EXOC4: variants seen among roughly 807,000 people sequenced by gnomAD.
The protein encoded by EXOC4 is SEC8-like 1.
A neutral mutation model predicts 107.2 loss-of-function variants in EXOC4; 71 were observed. The observed-to-expected ratio is 0.66, with a 90% confidence interval of 0.55 to 0.81. EXOC4 has a LOEUF of 0.81. Among genes scored for constraint, EXOC4 ranks in the 30% least tolerant of loss-of-function variants. EXOC4 has a pLI of 0.00. For missense variants in EXOC4, 1,108 were observed against 1,189.6 expected (o/e 0.93, Z 1.01); for synonymous variants, 456 against 441.2 (o/e 1.03, Z -0.42).
rs1054065997 is a variant in EXOC4 at position 133,845,764 on chromosome 7, T to C, written c.1734+28220T>C. Reference sequence around the variant, plus strand: ...GAGCTAAAGGAAGCTTTGCTTACTTTCACAGATTACAGGTTTATTTTATAA... The same window carrying C: ...GAGCTAAAGGAAGCTTTGCTTACTTCCACAGATTACAGGTTTATTTTATAA... On this transcript the variant is annotated intron_variant, in intron 11 of 17. Transcript: ENST00000253861. Among the ~76,000 whole-genome samples, 15 of 152,144 alleles carry C rather than the reference T, an allele frequency of 9.9e-5. 1 individual carries two copies. The highest frequency in any genetic ancestry group is 2.7e-4 in the African/African-American group (11 of 41,420).
At chr7:133,828,833 G>C (rs1376098273) in intron 11 of EXOC4, among the ~76,000 whole-genome samples, 1 of 152,206 alleles carries the variant, frequency 6.6e-6, no homozygotes, top group Non-Finnish European at 1.5e-5. Context: ...TGGGGATACA[G>C]AATAAACTTA....
chr7:134,060,905 T>C (rs985560180), intron 17 of EXOC4, among the ~76,000 whole-genome samples: 1 of 152,232 alleles, frequency 6.6e-6, no homozygotes, highest in Non-Finnish European at 1.5e-5. Context: ...CTGTCAATTT[T>C]GTTGAATAAC....
At chr7:134,012,963 C>G (rs1450380794) in intron 17 of EXOC4, among the ~76,000 whole-genome samples, 1 of 152,182 alleles carries the variant, frequency 6.6e-6, no homozygotes, top group Non-Finnish European at 1.5e-5. Context: ...AGACAGAGAA[C>G]TGGCTACTGG....
intron 17 of EXOC4, among the ~76,000 whole-genome samples, chr7:134,037,720 T>G (rs887935661): frequency 6.6e-6 from 1 of 152,318 alleles, no homozygotes; most frequent in Non-Finnish European, 1.5e-5. Context: ...TTCCAGTTCC[T>G]TCTGAATCCC....
intron 10 of EXOC4, among the ~76,000 whole-genome samples, chr7:133,637,202 G>A (rs1802733971): frequency 2.0e-5 from 3 of 152,114 alleles, no homozygotes; most frequent in Admixed American, 1.3e-4. Flanking sequence ...CAAAGTAAAA[G>A]ACAATTGTGA....
chr7:133,341,479 C>T (rs564932779), intron 5 of EXOC4, among the ~76,000 whole-genome samples: 13 of 152,166 alleles, frequency 8.5e-5, no homozygotes, highest in Admixed American at 2.0e-4. Flanking sequence ...GAATTTTCCA[C>T]GTACCAGTGA....
At chr7:133,302,316 A>G (rs1287073919) in intron 3 of EXOC4, among the ~76,000 whole-genome samples, 1 of 152,206 alleles carries the variant, frequency 6.6e-6, no homozygotes, top group Non-Finnish European at 1.5e-5. Flanking sequence ...TCTATTGTCT[A>G]TCTGAGCAGT....
At chr7:133,873,898 G>A (rs185867212) in intron 11 of EXOC4, among the ~76,000 whole-genome samples, 111 of 152,306 alleles carry the variant, frequency 7.3e-4, no homozygotes, top group Non-Finnish European at 1.0e-3. Context: ...GCTTCCCTGG[G>A]CAGTACATGG....
At chr7:133,670,516 A>G (rs1368359618) in intron 10 of EXOC4, among the ~76,000 whole-genome samples, 1 of 152,180 alleles carries the variant, frequency 6.6e-6, no homozygotes, top group African/African-American at 2.4e-5. Flanking sequence ...TGAGCCTCCA[A>G]ACATTGAAGG....
chr7:133,254,506 T>C (rs1794968004), intron 1 of EXOC4, among the ~76,000 whole-genome samples: 1 of 152,214 alleles, frequency 6.6e-6, no homozygotes, highest in Non-Finnish European at 1.5e-5. Context: ...TACCAGGACA[T>C]TATTTGGATC....
intron 9 of EXOC4, among the ~76,000 whole-genome samples, chr7:133,608,971 G>A (rs1316825937): frequency 6.6e-6 from 1 of 152,086 alleles, no homozygotes; most frequent in Admixed American, 6.5e-5. Flanking sequence ...GTGTCATATT[G>A]TTATCAAGAT....
intron 11 of EXOC4, among the ~76,000 whole-genome samples, chr7:133,824,535 A>G (rs1797653073): frequency 6.6e-6 from 1 of 152,150 alleles, no homozygotes; most frequent in Non-Finnish European, 1.5e-5. Context: ...TTAGCAGCAG[A>G]AGCAGCGTGC....
intron 6 of EXOC4, among the ~76,000 whole-genome samples, chr7:133,357,905 T>G (rs1327443898): frequency 6.6e-6 from 1 of 152,144 alleles, no homozygotes; most frequent in South Asian, 2.1e-4. Flanking sequence ...AGTAAATATT[T>G]GGCCAGGCAC....
At chr7:133,644,385 A>G (rs888052825) in intron 10 of EXOC4, among the ~76,000 whole-genome samples, 3 of 152,118 alleles carry the variant, frequency 2.0e-5, no homozygotes, top group Non-Finnish European at 4.4e-5. Context: ...TTGTATTTAA[A>G]TTTTGTAGTT....
At chr7:133,938,685 G>A (rs1211027258) in intron 14 of EXOC4, among the ~76,000 whole-genome samples, 1 of 152,110 alleles carries the variant, frequency 6.6e-6, no homozygotes, top group African/African-American at 2.4e-5. Flanking sequence ...AAACTTTAGG[G>A]CACATAAACT....
At chr7:133,272,951 G>A (rs1584767103) in intron 1 of EXOC4, among the ~76,000 whole-genome samples, 2 of 152,130 alleles carry the variant, frequency 1.3e-5, no homozygotes, top group South Asian at 4.1e-4. Context: ...AATGTGAAAT[G>A]TTTGGCATAT....
chr7:133,404,927 A>G (rs1797183514), intron 7 of EXOC4, among the ~76,000 whole-genome samples: 1 of 119,392 alleles, frequency 8.4e-6, no homozygotes, highest in Non-Finnish European at 1.6e-5. Flanking sequence ...CACACACATT[A>G]GTTGGGTGTG....
chr7:133,255,966 T>C (rs1795007070), intron 1 of EXOC4, among the ~76,000 whole-genome samples: 1 of 151,004 alleles, frequency 6.6e-6, no homozygotes, highest in Non-Finnish European at 1.5e-5. Flanking sequence ...TGCAACATTG[T>C]ATTCATTATT....
chr7:133,256,574 A>T (rs1021766844), intron 1 of EXOC4, among the ~76,000 whole-genome samples: 2 of 152,244 alleles, frequency 1.3e-5, no homozygotes, highest in African/African-American at 2.4e-5. Flanking sequence ...TTAGCTTTTT[A>T]AAAAATATCT....
Sources: gnomAD v4.1 joint callset for allele counts (sites outside exome capture counted in the v4.1 genomes callset) on GRCh38, gnomAD v4.1.1 for gene constraint, MANE v1.5 for transcripts, NCBI Gene and HGNC (gene_info 2026-07-23, HGNC 2026-07-21) for gene names.